Variants in SLC4A5 observed in about 807,000 individuals in gnomAD.
SLC4A5 encodes electrogenic sodium bicarbonate cotransporter 4.
A neutral mutation model predicts 120.4 loss-of-function variants in SLC4A5; 96 were observed. The ratio of observed to expected loss-of-function variants is 0.80; its 90% CI spans 0.68 to 0.94. The LOEUF is 0.94. Among genes scored for constraint, SLC4A5 ranks in the 40% least tolerant of loss-of-function variants. The probability of loss-of-function intolerance (pLI) is 0.00; values close to 1 mark genes in which losing one functional copy is unlikely to be tolerated. For synonymous variants in SLC4A5, 550 were observed against 571.1 expected (o/e 0.96, Z 0.53); for missense variants, 1,259 against 1,459.5 (o/e 0.86, Z 2.24).
chr2:74,327,304 G>C (rs929462344), intron 5 of SLC4A5, among the ~76,000 whole-genome samples: 1 of 152,178 alleles, frequency 6.6e-6, no homozygotes, highest in Non-Finnish European at 1.5e-5. Flanking sequence ...AGCCAACATG[G>C]TGTCTGATGC....
At chr2:74,228,339 C>T (rs1486256854) in intron 25 of SLC4A5, among the ~76,000 whole-genome samples, 3 of 152,188 alleles carry the variant, frequency 2.0e-5, no homozygotes, top group Admixed American at 1.3e-4. Flanking sequence ...ACAGAAATCA[C>T]GCATCCGGCC....
At chr2:74,313,556 C>G (rs1427140867) in intron 6 of SLC4A5, among the ~76,000 whole-genome samples, 1 of 152,166 alleles carries the variant, frequency 6.6e-6, no homozygotes, top group Non-Finnish European at 1.5e-5. Context: ...GGATCCCATT[C>G]TCTCCTGGAT....
intron 19 of SLC4A5, among the ~76,000 whole-genome samples, chr2:74,245,037 G>T (rs931448285): frequency 1.3e-5 from 2 of 152,118 alleles, no homozygotes; most frequent in African/African-American, 4.8e-5. Flanking sequence ...AATGGCCAAA[G>T]TGGCCAGGCA....
intron 21 of SLC4A5, among the ~76,000 whole-genome samples, chr2:74,235,619 T>C (rs188259442): frequency 1.1e-4 from 17 of 152,304 alleles, no homozygotes; most frequent in Non-Finnish European, 2.5e-4. Flanking sequence ...AGGGCTGGAC[T>C]CTGAAGCAAA....
chr2:74,229,331 C>G (rs950174496), intron 25 of SLC4A5, among the ~76,000 whole-genome samples: 5 of 151,460 alleles, frequency 3.3e-5, no homozygotes, highest in African/African-American at 1.2e-4. Flanking sequence ...CTCACTGCAG[C>G]CTCCACCTCC....
intron 5 of SLC4A5, among the ~76,000 whole-genome samples, chr2:74,318,298 C>T (rs1673015512): frequency 6.6e-6 from 1 of 152,136 alleles, no homozygotes; most frequent in Non-Finnish European, 1.5e-5. Context: ...GGCCAACAAA[C>T]ATGTAAAAAA....
At position 74,268,001 on chromosome 2, in the gene SLC4A5, A is replaced by T. The variant is rs530883685; in HGVS notation, c.402-2737T>A. 2.4e-3 allele frequency among the ~76,000 whole-genome samples: 360 copies of T among 150,220 alleles called. 2 individuals carry two copies. Among genetic ancestry groups the T allele is most frequent in the South Asian group, 0.013 (64 of 4,770 alleles). On this transcript the variant is annotated intron_variant, in intron 8 of 30. Transcript: ENST00000394019. ...GTCCGTCTACATTTTTTTTTTTTTT[A>T]AAAAAGAGCACAGTCTATGAAGCAA...
intron 18 of SLC4A5, among the ~76,000 whole-genome samples, chr2:74,248,110 T>C (rs916902079): frequency 6.6e-6 from 1 of 152,162 alleles, no homozygotes; most frequent in Non-Finnish European, 1.5e-5. Context: ...AACTGAGTGG[T>C]GTGAATTTTC....
chr2:74,297,609 C>T (rs1412818847), intron 7 of SLC4A5, among the ~76,000 whole-genome samples: 1 of 152,154 alleles, frequency 6.6e-6, no homozygotes, highest in South Asian at 2.1e-4. Context: ...GCTTCTAATC[C>T]TCTTTCTCCT....
At chr2:74,222,828 C>T (rs1694699483) in intron 29 of SLC4A5, 40 bp downstream of exon 29, 1 of 1,502,392 alleles carries the variant, frequency 6.7e-7, no homozygotes, top group Admixed American at 1.7e-5. Context: ...ACATGGAGGA[C>T]TAGTAGTAAG....
intron 7 of SLC4A5, among the ~76,000 whole-genome samples, chr2:74,294,680 AT>A (rs11326076): frequency 0.16 from 22,549 of 139,922 alleles, 3,453 homozygotes; most frequent in East Asian, 0.39. Flanking sequence ...AGTTTTTTGG[AT>A]TTTTTTTTTT....
chr2:74,285,800 T>A lies in SLC4A5; in HGVS notation c.374A>T (p.Asp125Val), dbSNP rs778358962. 124 of 1,611,772 alleles carry A rather than the reference T, an allele frequency of 7.7e-5. 1 individual carries two copies. In the Admixed American group the frequency reaches 2.0e-3, roughly 26 times the overall value. Residue 125 changes from aspartate (D) to valine (V), a missense_variant, in exon 8 of 31, where the codon GAC (aspartate) becomes GTC (valine). Physicochemically the swap from Asp to Val is radical, Grantham distance 152 (BLOSUM62 -3). Coordinates refer to ENST00000394019, the Ensembl canonical transcript of SLC4A5. ...GGCTGACTCCTTCCACTCCATCTGG[T>A]CTCCGTCATGCTGCAGAGTATCCAT...
intron 26 of SLC4A5, chr2:74,227,400 T>C: frequency 7.0e-7 from 1 of 1,422,060 alleles, no homozygotes; most frequent in Non-Finnish European, 9.5e-7. Flanking sequence ...GCAAGTTAAT[T>C]GTAACACAAA....
Position 74,235,083 on chromosome 2 carries a change from C to A in SLC4A5, c.2433+18G>T. ...AGGCAGGCAGACTGGATGCCCAGAG[C>A]GAGGGAAAGGGGCAAACCTTGATGA... is the stretch of plus-strand genomic sequence containing the variant. On this transcript the variant is annotated intron_variant, in intron 22 of 30. Coordinates refer to ENST00000394019, the Ensembl canonical transcript of SLC4A5. 2 of 1,595,952 alleles carry A rather than the reference C, an allele frequency of 1.3e-6. No individual in the cohort carries two copies. The highest frequency in any genetic ancestry group is 1.7e-4 in the Middle Eastern group (1 of 6,020).
At chr2:74,275,413 G>T (rs1671607520) in intron 8 of SLC4A5, among the ~76,000 whole-genome samples, 1 of 152,218 alleles carries the variant, frequency 6.6e-6, no homozygotes, top group Non-Finnish European at 1.5e-5. Context: ...AGGGCCACTT[G>T]TCTGTGTATC....
At chr2:74,265,786 A>C (rs1000228520) in intron 8 of SLC4A5, among the ~76,000 whole-genome samples, 4 of 152,136 alleles carry the variant, frequency 2.6e-5, no homozygotes, top group Admixed American at 6.5e-5. Flanking sequence ...CATGCTTTTC[A>C]CTCTTTTTGC....
exon 9 of SLC4A5, chr2:74,265,213 C>T: frequency 6.2e-7 from 1 of 1,614,254 alleles, no homozygotes; most frequent in East Asian, 2.2e-5. Context: ...ACACGTGGGG[C>T]TTGCTCCAGC....
chr2:74,251,005 T>C (rs1670773900), intron 16 of SLC4A5, among the ~76,000 whole-genome samples: 1 of 152,112 alleles, frequency 6.6e-6, no homozygotes, highest in African/African-American at 2.4e-5. Flanking sequence ...AACAGCTGAG[T>C]GGAAGATTTT....
At chr2:74,250,542 G>A in intron 16 of SLC4A5, 25 bp from the exon 17 acceptor site, 1 of 1,613,270 alleles carries the variant, frequency 6.2e-7, no homozygotes, top group South Asian at 1.1e-5. Flanking sequence ...CCCAGGGGCT[G>A]CTTTCTCACC....
Sources: gnomAD v4.1 joint callset for allele counts (sites outside exome capture counted in the v4.1 genomes callset) on GRCh38, gnomAD v4.1.1 for gene constraint, MANE v1.5 for transcripts, NCBI Gene and HGNC (gene_info 2026-07-23, HGNC 2026-07-21) for gene names.